Variants in LMNTD1 observed in about 807,000 individuals in gnomAD.
LMNTD1 encodes the protein lamin tail domain-containing protein 1.
In LMNTD1, 35 loss-of-function variants were observed where a neutral mutation model predicts 50.9. That is an observed-to-expected ratio of 0.69 (90% CI 0.53 to 0.91). The LOEUF (loss-of-function observed/expected upper bound fraction) is 0.91. Among genes scored for constraint, LMNTD1 ranks in the 40% least tolerant of loss-of-function variants. The pLI is 0.00. For missense variants in LMNTD1, 470 were observed against 475.5 expected (o/e 0.99, Z 0.11); for synonymous variants, 153 against 161.9 (o/e 0.94, Z 0.42).
chr12:25,534,646 G>T (rs905187210), intron 4 of LMNTD1, among the ~76,000 whole-genome samples: 1 of 152,150 alleles, frequency 6.6e-6, no homozygotes, highest in Non-Finnish European at 1.5e-5. Context: ...TTGAGTAAAT[G>T]CCCCAAGACT....
At chr12:25,493,134 A>T (rs1342101272) in intron 9 of LMNTD1, among the ~76,000 whole-genome samples, 1 of 152,174 alleles carries the variant, frequency 6.6e-6, no homozygotes, top group East Asian at 1.9e-4. Context: ...TACTTCTATG[A>T]TTCTTTAAAT....
intron 1 of LMNTD1, among the ~76,000 whole-genome samples, chr12:25,602,061 A>C (rs992461695): frequency 1.3e-5 from 2 of 151,914 alleles, no homozygotes; most frequent in African/African-American, 4.8e-5. Flanking sequence ...ATGTCAGAAA[A>C]TTTGACTATA....
At chr12:25,578,095 C>T (rs1945111785) in intron 1 of LMNTD1, among the ~76,000 whole-genome samples, 5 of 152,158 alleles carry the variant, frequency 3.3e-5, no homozygotes, top group Admixed American at 3.3e-4. Flanking sequence ...CAACAGGAAG[C>T]AGCTCATTCA....
At chr12:25,530,986 C>T (rs761812146) in intron 4 of LMNTD1, among the ~76,000 whole-genome samples, 3 of 152,138 alleles carry the variant, frequency 2.0e-5, no homozygotes, top group Non-Finnish European at 4.4e-5. Flanking sequence ...AATCCAAGCA[C>T]GAGAAGGATT....
chr12:25,593,239 G>A (rs1035320074), intron 1 of LMNTD1, among the ~76,000 whole-genome samples: 1 of 152,080 alleles, frequency 6.6e-6, no homozygotes, highest in Non-Finnish European at 1.5e-5. Flanking sequence ...TCCAATCCTG[G>A]CAAGAGGCCA....
intron 1 of LMNTD1, among the ~76,000 whole-genome samples, chr12:25,640,556 A>G (rs12821088): frequency 2.0e-5 from 3 of 152,172 alleles, no homozygotes; most frequent in Non-Finnish European, 4.4e-5. Flanking sequence ...AACTATGTGT[A>G]TATATTAAGA....
chr12:25,531,613 G>C (rs1942229828), intron 4 of LMNTD1, among the ~76,000 whole-genome samples: 1 of 151,800 alleles, frequency 6.6e-6, no homozygotes, highest in Non-Finnish European at 1.5e-5. Flanking sequence ...TACCTGGTTT[G>C]TTTGCTGGCT....
chr12:25,630,254 T>G (rs1398296152), intron 1 of LMNTD1, among the ~76,000 whole-genome samples: 2 of 152,058 alleles, frequency 1.3e-5, no homozygotes, highest in Non-Finnish European at 2.9e-5. Flanking sequence ...AGGATCAGTA[T>G]CTGGAGTTGC....
intron 1 of LMNTD1, among the ~76,000 whole-genome samples, chr12:25,619,101 T>TA (rs892798820): frequency 8.5e-5 from 13 of 152,070 alleles, no homozygotes; most frequent in Admixed American, 3.3e-4. Flanking sequence ...TCTTTACTGT[T>TA]AAAAAAATAC....
intron 1 of LMNTD1, among the ~76,000 whole-genome samples, chr12:25,586,406 T>C (rs1205559535): frequency 6.6e-6 from 1 of 152,132 alleles, no homozygotes; most frequent in Non-Finnish European, 1.5e-5. Flanking sequence ...TATCTCCCAC[T>C]GAAATACTGC....
intron 9 of LMNTD1, among the ~76,000 whole-genome samples, chr12:25,485,300 CTTCTT>C (rs1429042378): frequency 6.8e-6 from 1 of 146,968 alleles, no homozygotes; most frequent in Non-Finnish European, 1.5e-5. Flanking sequence ...GCATAAATGT[CTTCTT>C]TTGAGAAGTG....
At chr12:25,542,444 CATT>C (rs939586552) in intron 4 of LMNTD1, among the ~76,000 whole-genome samples, 1 of 150,766 alleles carries the variant, frequency 6.6e-6, no homozygotes, top group African/African-American at 2.4e-5. Context: ...AATTGGAAAT[CATT>C]ATTCTCAGTA....
intron 1 of LMNTD1, among the ~76,000 whole-genome samples, chr12:25,603,668 C>T (rs951261096): frequency 2.7e-4 from 41 of 152,046 alleles, no homozygotes; most frequent in African/African-American, 9.9e-4. Context: ...GAGACGATTC[C>T]TGTCCTCACG....
intron 8 of LMNTD1, among the ~76,000 whole-genome samples, chr12:25,505,183 G>A (rs1486290899): frequency 6.8e-6 from 1 of 146,360 alleles, no homozygotes; most frequent in African/African-American, 2.5e-5. Context: ...GTGGGTAATG[G>A]CAATTTTGGG....
At chr12:25,536,534 T>C (rs879735599) in intron 4 of LMNTD1, among the ~76,000 whole-genome samples, 42 of 152,158 alleles carry the variant, frequency 2.8e-4, no homozygotes, top group Non-Finnish European at 3.4e-4. Context: ...TATTTTGAAC[T>C]GAATGAAAAT....
intron 1 of LMNTD1, among the ~76,000 whole-genome samples, chr12:25,610,972 G>C (rs2136536504): frequency 6.6e-6 from 1 of 152,272 alleles, no homozygotes; most frequent in Admixed American, 6.5e-5. Context: ...AGATTCTCAA[G>C]TAACGTCTTT....
chr12:25,569,412 G>C (rs138557718), intron 1 of LMNTD1, among the ~76,000 whole-genome samples: 21 of 152,316 alleles, frequency 1.4e-4, no homozygotes, highest in African/African-American at 4.3e-4. Context: ...AGTCTCATAG[G>C]TAGAAGGAGA....
At chr12:25,545,222 G>A (rs558418318) in intron 4 of LMNTD1, among the ~76,000 whole-genome samples, 102 of 151,660 alleles carry the variant, frequency 6.7e-4, no homozygotes, top group African/African-American at 2.3e-3. Context: ...AAGATAGCTT[G>A]GCTGGATACA....
At chr12:25,601,899 C>T (rs1019819392) in intron 1 of LMNTD1, among the ~76,000 whole-genome samples, 4 of 151,872 alleles carry the variant, frequency 2.6e-5, no homozygotes, top group Middle Eastern at 3.4e-3. Flanking sequence ...AAATCCATCA[C>T]CTTAAACATT....
Sources: allele counts gnomAD v4.1 joint callset (sites outside exome capture counted in the v4.1 genomes callset), GRCh38; gene constraint gnomAD v4.1.1; transcripts MANE v1.5; gene names NCBI Gene and HGNC (gene_info 2026-07-23, HGNC 2026-07-21).